Variants in SLC22A23 observed in about 807,000 individuals in gnomAD.
SLC22A23 encodes solute carrier family 22 member 23.
In SLC22A23, 26 loss-of-function variants were observed where a neutral mutation model predicts 61.0. The ratio of observed to expected loss-of-function variants is 0.43; its 90% confidence interval spans 0.31 to 0.59. SLC22A23 has a LOEUF of 0.59. Ranked by LOEUF, SLC22A23 falls within the 20% of genes least tolerant of loss-of-function variation. The probability of loss-of-function intolerance (pLI) is 0.11; values close to 1 mark genes in which losing one functional copy is unlikely to be tolerated. For synonymous variants in SLC22A23, 430 were observed against 413.9 expected, an observed-to-expected ratio of 1.04 and a Z score of -0.47; for missense variants, 796 against 934.7, an observed-to-expected ratio of 0.85 and a Z score of 1.94.
At chr6:3,399,149 G>T (rs969015719) in intron 3 of SLC22A23, among the ~76,000 whole-genome samples, 7 of 152,182 alleles carry the variant, frequency 4.6e-5, no homozygotes, top group African/African-American at 1.7e-4. Context: ...TGGGCCAGTG[G>T]GAGGTGGGTT....
chr6:3,348,805 G>C (rs1489565705), intron 3 of SLC22A23, among the ~76,000 whole-genome samples: 1 of 152,202 alleles, frequency 6.6e-6, no homozygotes, highest in African/African-American at 2.4e-5. Context: ...AGCATCCTGG[G>C]TCACAAGGAG....
intron 9 of SLC22A23, among the ~76,000 whole-genome samples, chr6:3,277,478 G>C (rs1412785068): frequency 6.6e-6 from 1 of 152,068 alleles, no homozygotes; most frequent in Non-Finnish European, 1.5e-5. Context: ...GCCACTATGT[G>C]CGGGCTCCAG....
intron 3 of SLC22A23, among the ~76,000 whole-genome samples, chr6:3,375,451 C>T (rs1766503582): frequency 2.0e-5 from 3 of 152,232 alleles, no homozygotes; most frequent in South Asian, 4.1e-4. Flanking sequence ...TCCAACTAAA[C>T]CATTCGCTGA....
chr6:3,424,654 T>C (rs1561972523), intron 1 of SLC22A23, among the ~76,000 whole-genome samples: 1 of 152,234 alleles, frequency 6.6e-6, no homozygotes, highest in Non-Finnish European at 1.5e-5. Context: ...TACAAGTCTT[T>C]CTTCCACTAG....
intron 3 of SLC22A23, among the ~76,000 whole-genome samples, chr6:3,396,948 G>T (rs1702622485): frequency 6.6e-6 from 1 of 152,202 alleles, no homozygotes; most frequent in South Asian, 2.1e-4. Context: ...AATAAGGCAG[G>T]GGTCTGACTG....
chr6:3,424,607 C>T (rs1380605421), intron 1 of SLC22A23, among the ~76,000 whole-genome samples: 1 of 152,226 alleles, frequency 6.6e-6, no homozygotes, highest in African/African-American at 2.4e-5. Flanking sequence ...TGATAAAACA[C>T]GTAGACTGTT....
chr6:3,368,233 T>C (rs946035568), intron 3 of SLC22A23, among the ~76,000 whole-genome samples: 1 of 152,200 alleles, frequency 6.6e-6, no homozygotes, highest in Non-Finnish European at 1.5e-5. Context: ...ACCCTGCTCT[T>C]CCACATGGTC....
chr6:3,395,585 C>T (rs936365848), intron 3 of SLC22A23, among the ~76,000 whole-genome samples: 1 of 152,182 alleles, frequency 6.6e-6, no homozygotes, highest in African/African-American at 2.4e-5. Flanking sequence ...AGTAGCGCAG[C>T]CATCAGGCAC....
At chr6:3,290,469 C>G (rs199968963) in intron 5 of SLC22A23, 1 of 158,180 alleles carries the variant, frequency 6.3e-6, no homozygotes, top group African/African-American at 2.5e-5. Flanking sequence ...ATACACCATA[C>G]ATGCACACAT....
In SLC22A23 at chr6:3,273,126, G is replaced by A. The variant is rs1253208893; in HGVS notation, c.1990C>T (p.Leu664Phe). Residue 664 changes from leucine to phenylalanine, a missense_variant, in exon 10 of 10, where the codon CTC (leucine) becomes TTC (phenylalanine). Transcript: ENST00000406686. ...TCACCCGCGGCTGCGGCATCGTGGA[G>A]GCCCGAGTAGTCCTTGAGCTCGGCG... ...TNAELKDYSG[L>F]HDAAAAGDTL... 1 of 1,607,782 alleles carries A rather than the reference G, an allele frequency of 6.2e-7. No individual in the cohort carries two copies. Among genetic ancestry groups the A allele is most frequent in the Admixed American group, 1.7e-5 (1 of 59,904 alleles).
intron 2 of SLC22A23, 24 bp downstream of exon 2, chr6:3,415,728 T>C: frequency 2.0e-6 from 3 of 1,496,850 alleles, no homozygotes; most frequent in Non-Finnish European, 2.7e-6. Flanking sequence ...CAAAGGTTCG[T>C]GCGGCGGGCA....
At position 3,298,077 on chromosome 6, in the gene SLC22A23, C is replaced by T. The variant is rs142987349; in HGVS notation, c.1210+14G>A. 3.4e-4 allele frequency: 521 copies of T among 1,512,918 alleles called. 3 individuals are homozygous for T. In the African/African-American group the frequency reaches 6.3e-3, roughly 18 times the overall value. The allele number at this position is 1,512,918 out of a possible 1,614,324, so 93.7% of individuals were successfully genotyped here. On this transcript the variant is annotated intron_variant, in intron 5 of 9. Transcript: ENST00000406686. ...GGAGCCTCTCTGAGCCCTGCCAGCC[C>T]GCGGTGTGCTCACCTGGTATCACAC...
At chr6:3,409,916 G>GA (rs1171407634) in intron 3 of SLC22A23, among the ~76,000 whole-genome samples, 5 of 152,142 alleles carry the variant, frequency 3.3e-5, no homozygotes, top group Non-Finnish European at 5.9e-5. Flanking sequence ...TCCATATCAG[G>GA]AAAGAACCGA....
chr6:3,306,850 C>T (rs942425993), intron 4 of SLC22A23, among the ~76,000 whole-genome samples: 2 of 152,206 alleles, frequency 1.3e-5, no homozygotes, highest in African/African-American at 4.8e-5. Context: ...CTGTCTAGAG[C>T]AGAATGTTCA....
chr6:3,284,897 C>G (rs1561865020), intron 8 of SLC22A23, 182 bp downstream of exon 8: 1 of 1,536,540 alleles, frequency 6.5e-7, no homozygotes, highest in Admixed American at 2.0e-5. Context: ...TTTCTAGAGG[C>G]AAGAGGGAGA....
Position 3,387,848 on chromosome 6 carries a change from G to A in SLC22A23, c.913+22340C>T, listed in dbSNP as rs1169925179. Reference sequence around the variant, plus strand: ...CTCTGATAAAGTTCTCTGAGGGTGAGTGGCAGGAAAGGAGAAGGCAGGCCG... The same window carrying A: ...CTCTGATAAAGTTCTCTGAGGGTGAATGGCAGGAAAGGAGAAGGCAGGCCG... On this transcript the variant is annotated intron_variant, in intron 3 of 9. Transcript: ENST00000406686. This position sits in a 1 kb window ranked among gnomAD's most constrained non-coding sequence, Gnocchi z 5.0. 6.6e-6 allele frequency among the ~76,000 whole-genome samples: 1 copy of A among 152,186 alleles called. No individual in the cohort carries two copies. The highest frequency in any genetic ancestry group is 2.4e-5 in the African/African-American group (1 of 41,448).
chr6:3,438,534 C>T (rs1210777319), intron 1 of SLC22A23: 14 of 456,642 alleles, frequency 3.1e-5, no homozygotes, highest in South Asian at 2.0e-4. Context: ...GGGAGAGCTC[C>T]AGTTTCCTGC....
intron 1 of SLC22A23, among the ~76,000 whole-genome samples, chr6:3,448,961 G>A (rs1772045803): frequency 6.6e-6 from 1 of 152,176 alleles, no homozygotes; most frequent in Non-Finnish European, 1.5e-5. Flanking sequence ...AGAAGGAAAG[G>A]GAGACCTGTG....
At chr6:3,335,989 T>C (rs1348582435) in intron 3 of SLC22A23, among the ~76,000 whole-genome samples, 2 of 151,674 alleles carry the variant, frequency 1.3e-5, no homozygotes, top group Admixed American at 6.6e-5. Context: ...CTCGGGAGGC[T>C]GAGGCAGGAG....
Sources: gnomAD v4.1 joint callset for allele counts (sites outside exome capture counted in the v4.1 genomes callset) on GRCh38, gnomAD v4.1.1 for gene constraint, Gnocchi (gnomAD v3.1) non-coding constraint, MANE v1.5 for transcripts, NCBI Gene and HGNC (gene_info 2026-07-23, HGNC 2026-07-21) for gene names.